MAGI2: variants seen among roughly 807,000 people sequenced by gnomAD.
MAGI2 encodes membrane-associated guanylate kinase, WW and PDZ domain-containing protein 2.
A neutral mutation model predicts 133.3 loss-of-function variants in MAGI2; 35 were observed. The ratio of observed to expected loss-of-function variants is 0.26; its 90% CI spans 0.20 to 0.35. MAGI2 has a LOEUF of 0.35. Ranked by LOEUF, MAGI2 falls within the 10% of genes least tolerant of loss-of-function variation. MAGI2 has a pLI of 1.00. For synonymous variants in MAGI2, 729 were observed against 710.6 expected (o/e 1.03, Z -0.41); for missense variants, 1,636 against 1,863.4 (o/e 0.88, Z 2.25).
chr7:78,563,809 C>T (rs907256318), intron 3 of MAGI2, among the ~76,000 whole-genome samples: 2 of 152,126 alleles, frequency 1.3e-5, no homozygotes, highest in African/African-American at 4.8e-5. Flanking sequence ...ATCCAATGAA[C>T]AAGATTATAG....
chr7:79,058,018 G>C (rs946900638), intron 1 of MAGI2, among the ~76,000 whole-genome samples: 2 of 151,340 alleles, frequency 1.3e-5, no homozygotes, highest in African/African-American at 4.9e-5. Flanking sequence ...GGAAAAGCTG[G>C]TTTTTGAAAA....
At chr7:78,669,066 A>C (rs1014776513) in intron 2 of MAGI2, among the ~76,000 whole-genome samples, 1 of 152,196 alleles carries the variant, frequency 6.6e-6, no homozygotes, top group Non-Finnish European at 1.5e-5. Context: ...GAAATAACTA[A>C]GATCCGAGCA....
chr7:79,021,425 T>G (rs556662421), intron 1 of MAGI2, among the ~76,000 whole-genome samples: 9 of 152,198 alleles, frequency 5.9e-5, no homozygotes, highest in Non-Finnish European at 1.2e-4. Flanking sequence ...GTCACAGGGG[T>G]GGAGCTGCCA....
At chr7:78,119,844 C>G (rs932859611) in intron 20 of MAGI2, among the ~76,000 whole-genome samples, 2 of 152,086 alleles carry the variant, frequency 1.3e-5, no homozygotes, top group Non-Finnish European at 2.9e-5. Context: ...CATATATTCA[C>G]TCAACACATG....
chr7:78,055,595 C>A (rs1812485047), intron 21 of MAGI2, among the ~76,000 whole-genome samples: 1 of 152,064 alleles, frequency 6.6e-6, no homozygotes, highest in Non-Finnish European at 1.5e-5. Flanking sequence ...CCTCCCAGAC[C>A]CTGGAACCTC....
chr7:78,268,585 C>T (rs576052375), intron 9 of MAGI2, among the ~76,000 whole-genome samples: 2 of 152,090 alleles, frequency 1.3e-5, no homozygotes, highest in African/African-American at 2.4e-5. Context: ...AGCTGCCATA[C>T]CCCTAGTGGG....
intron 1 of MAGI2, among the ~76,000 whole-genome samples, chr7:79,054,957 A>AT (rs907751933): frequency 3.9e-5 from 6 of 152,066 alleles, no homozygotes; most frequent in African/African-American, 1.4e-4. Flanking sequence ...TGACCAGCTA[A>AT]TTTTTTTGCA....
chr7:78,693,195 C>T (rs909646512), intron 2 of MAGI2, among the ~76,000 whole-genome samples: 2 of 152,136 alleles, frequency 1.3e-5, no homozygotes, highest in African/African-American at 4.8e-5. Flanking sequence ...ATCTCAGCTT[C>T]CTTGTCTGAA....
In MAGI2 at chr7:78,503,566, CCCTCCTCCTCCCCCT is replaced by C. The variant is rs1189538944; in HGVS notation, c.755-1794_755-1780del. ...TTGCACTCACTCCATCTCCCCCTCC[CCCTCCTCCTCCCCCT>C]CCTCCTCCTCCCCCTCCTCCTTCTC... On this transcript the variant is annotated intron_variant, in intron 4 of 21. Transcript: ENST00000354212. 3.1e-4 allele frequency among the ~76,000 whole-genome samples: 21 copies of C among 67,362 alleles called. 1 individual carries two copies. Among genetic ancestry groups the C allele is most frequent in the Admixed American group, 3.5e-4 (2 of 5,698 alleles). The allele number at this position is 67,362 out of a possible 152,430, so 44.2% of individuals were successfully genotyped here. A position where few individuals can be genotyped will look rare whatever the true frequency, so the allele number is the denominator to read the frequency against.
At chr7:78,914,871 G>A (rs141126859) in intron 2 of MAGI2, among the ~76,000 whole-genome samples, 14 of 152,170 alleles carry the variant, frequency 9.2e-5, no homozygotes, top group East Asian at 1.9e-4. Flanking sequence ...TCAAAGAGAC[G>A]GCTCAGTTTC....
chr7:78,737,552 TCAGG>T (rs1345331796), intron 2 of MAGI2, among the ~76,000 whole-genome samples: 5 of 152,168 alleles, frequency 3.3e-5, no homozygotes, highest in Admixed American at 6.5e-5. Context: ...CATATCTGTG[TCAGG>T]CAGATTTTCT....
At position 78,297,535 on chromosome 7, in the gene MAGI2, T is replaced by C. The variant is rs528412760; in HGVS notation, c.1409-40954A>G. Among the ~76,000 whole-genome samples the C allele has an allele frequency of 1.8e-3, 271 of 149,634 alleles. 1 individual carries two copies. Among genetic ancestry groups the C allele is most frequent in the African/African-American group, 6.5e-3 (264 of 40,922 alleles). On this transcript the variant is annotated intron_variant, in intron 9 of 21. Transcript: ENST00000354212. ...CTATAAAGACACATGCACACGTATG[T>C]TTATTGCGGCATTATTCACAATAGC...
intron 2 of MAGI2, among the ~76,000 whole-genome samples, chr7:78,717,292 G>C (rs1259028321): frequency 1.5e-5 from 2 of 136,586 alleles, no homozygotes; most frequent in Non-Finnish European, 3.3e-5. Context: ...CACACACACA[G>C]AGTGAAAAGG....
intron 16 of MAGI2, among the ~76,000 whole-genome samples, chr7:78,135,815 G>T (rs1426027574): frequency 6.6e-6 from 1 of 152,160 alleles, no homozygotes; most frequent in South Asian, 2.1e-4. Flanking sequence ...AGCTATAAAG[G>T]TTGGTGTGTT....
chr7:78,937,141 A>T (rs1800576940), intron 2 of MAGI2, among the ~76,000 whole-genome samples: 1 of 152,068 alleles, frequency 6.6e-6, no homozygotes, highest in Non-Finnish European at 1.5e-5. Flanking sequence ...TGCTCCCCTA[A>T]AAGGAATGTG....
At chr7:78,581,886 C>T (rs1198140979) in intron 3 of MAGI2, among the ~76,000 whole-genome samples, 1 of 152,054 alleles carries the variant, frequency 6.6e-6, no homozygotes. Flanking sequence ...TTAGTAAGGC[C>T]TGTTTGTTAA....
intron 2 of MAGI2, among the ~76,000 whole-genome samples, chr7:78,932,336 A>G (rs117696165): frequency 0.053 from 8,003 of 152,168 alleles, 291 homozygotes; most frequent in Middle Eastern, 0.092. Context: ...AAGCACTTAT[A>G]TTTTTCTATA....
intron 6 of MAGI2, among the ~76,000 whole-genome samples, chr7:78,472,781 T>C (rs1791354799): frequency 6.6e-6 from 1 of 152,142 alleles, no homozygotes; most frequent in Non-Finnish European, 1.5e-5. Flanking sequence ...CTGTTGTTTG[T>C]GTTTTCAGTT....
intron 1 of MAGI2, among the ~76,000 whole-genome samples, chr7:79,024,374 A>G (rs1462192220): frequency 6.6e-6 from 1 of 152,166 alleles, no homozygotes; most frequent in Non-Finnish European, 1.5e-5. Flanking sequence ...AAAAACTATA[A>G]AAACCCTGAA....
Sources: allele counts gnomAD v4.1 joint callset (sites outside exome capture counted in the v4.1 genomes callset), GRCh38; gene constraint gnomAD v4.1.1; transcripts MANE v1.5; gene names NCBI Gene and HGNC (gene_info 2026-07-23, HGNC 2026-07-21).